The following NLRP2 variants were observed in gnomAD, a reference collection of about 807,000 sequenced individuals.
NLRP2 encodes NACHT, LRR and PYD domains-containing protein 2.
Under a neutral mutation model 97.2 loss-of-function variants are expected in NLRP2, and 107 were observed. That is an observed-to-expected ratio of 1.10 (90% CI 0.94 to 1.29). The LOEUF is 1.29. Among genes scored for constraint, NLRP2 ranks in the 50% most tolerant of loss-of-function variants. NLRP2 has a pLI of 0.00. For missense variants in NLRP2, 1,495 were observed against 1,330.3 expected (o/e 1.12, Z -1.93); for synonymous variants, 663 against 551.5 (o/e 1.20, Z -2.83).
chr19:54,992,773 G>A (rs1265099422), intron 10 of NLRP2, among the ~76,000 whole-genome samples: 1 of 151,602 alleles, frequency 6.6e-6, no homozygotes, highest in East Asian at 1.9e-4. Context: ...TGGTCAAGCT[G>A]GTCTCGAATT....
chr19:54,993,844 C>T (rs2072645311), intron 10 of NLRP2: 2 of 292,420 alleles, frequency 6.8e-6, no homozygotes, highest in East Asian at 8.7e-5. Flanking sequence ...ATCCTTTTTA[C>T]TTCTCCAACT....
intron 4 of NLRP2, among the ~76,000 whole-genome samples, chr19:54,980,169 T>G (rs2071481862): frequency 6.6e-6 from 1 of 151,560 alleles, no homozygotes; most frequent in South Asian, 2.1e-4. Context: ...GGGTGAATAG[T>G]GCCTGGTGGC....
At chr19:54,967,197 G>A (rs938946676) in intron 1 of NLRP2, among the ~76,000 whole-genome samples, 2 of 152,006 alleles carry the variant, frequency 1.3e-5, no homozygotes, top group Admixed American at 1.3e-4. Flanking sequence ...AAATTAAGTG[G>A]TTCTGCCTGT....
At chr19:54,968,701 C>CTTTT in intron 1 of NLRP2, among the ~76,000 whole-genome samples, 1 of 114,346 alleles carries the variant, frequency 8.7e-6, no homozygotes, top group African/African-American at 3.7e-5. Context: ...ATCTTTAAGC[C>CTTTT]TTTTTTTTTT....
At position 54,970,082 on chromosome 19, in the gene NLRP2, T is replaced by C; in HGVS notation, c.67T>C (p.Leu23=). 1.2e-6 allele frequency: 2 copies of C among 1,613,780 alleles called. No homozygotes were observed. Among genetic ancestry groups the C allele is most frequent in the East Asian group, 4.5e-5 (2 of 44,858 alleles). Residue 23 remains leucine, a synonymous_variant, in exon 2 of 13, where the codon TTG becomes CTG. Coordinates refer to ENST00000448584, the MANE Select transcript of NLRP2 (RefSeq NM_017852.5). ...ALLEQLSQDE[L]SKFKYLITTF... ...CCTGGAGCAGCTCAGCCAGGATGAGTTGAGCAAGTTCAAGTATCTGATCAC... is the reference window on the plus strand; with the variant it reads ...CCTGGAGCAGCTCAGCCAGGATGAGCTGAGCAAGTTCAAGTATCTGATCAC...
At position 54,981,645 on chromosome 19, in the gene NLRP2, C is replaced by G; in HGVS notation, c.426C>G (p.Ile142Met). The G allele has an allele frequency of 6.3e-7, 1 of 1,597,106 alleles. No individual in the cohort carries two copies. The highest frequency in any genetic ancestry group is 8.6e-7 in the Non-Finnish European group (1 of 1,164,916). ...TTACAGAAACGAAAGGAAATGTCAT[C>G]TGCCTGGGTAAAGAAGTCTTTAAAG... ...QAFTETKGNV[I>M]CLGKEVFKGK... Residue 142 changes from isoleucine (I) to methionine (M), a missense_variant, in exon 5 of 13, where the codon ATC becomes ATG. Transcript: ENST00000448584.
At chr19:54,980,510 A>C (rs1454311503) in intron 4 of NLRP2, among the ~76,000 whole-genome samples, 1 of 152,214 alleles carries the variant, frequency 6.6e-6, no homozygotes, top group East Asian at 1.9e-4. Flanking sequence ...AAAGAAATTT[A>C]TGAAGACAAT....
At position 54,989,251 on chromosome 19, in the gene NLRP2, G is replaced by A. The variant is rs141653204; in HGVS notation, c.2367-771G>A. ...GATTACAGGCATGAGCCATTGCCCC[G>A]GCCAAAGTTAGGAGTTTGAGACCAG... On this transcript the variant is annotated intron_variant, in intron 8 of 12. Coordinates refer to ENST00000448584, the MANE Select transcript of NLRP2 (RefSeq NM_017852.5). 1.4e-3 allele frequency among the ~76,000 whole-genome samples: 219 copies of A among 151,068 alleles called. 1 individual carries two copies. The highest frequency in any genetic ancestry group is 6.8e-3 in the Middle Eastern group (2 of 294).
At chr19:54,996,037 CAA>C (rs544759995) in intron 11 of NLRP2, among the ~76,000 whole-genome samples, 9 of 73,336 alleles carry the variant, frequency 1.2e-4, no homozygotes, top group Admixed American at 1.8e-4. Context: ...GATCCTGTCT[CAA>C]AAAAAAAAAA....
intron 1 of NLRP2, among the ~76,000 whole-genome samples, chr19:54,966,910 C>T (rs1276543199): frequency 7.0e-5 from 10 of 142,466 alleles, no homozygotes; most frequent in Non-Finnish European, 1.4e-4. Flanking sequence ...GGCAGGATCT[C>T]GGCTCACTGA....
chr19:54,968,492 A>T (rs966723911), intron 1 of NLRP2, among the ~76,000 whole-genome samples: 1 of 145,320 alleles, frequency 6.9e-6, no homozygotes. Context: ...GCCCAGCACA[A>T]TTTTTTTTTT....
chr19:54,981,801 G>T, intron 5 of NLRP2, 119 bp downstream of exon 5: 1 of 766,036 alleles, frequency 1.3e-6, no homozygotes, highest in South Asian at 1.4e-5. Flanking sequence ...GTATCGAGAC[G>T]GAGTTTTGCT....
chr19:54,986,393 TAAGAA>T, intron 8 of NLRP2, 78 bp downstream of exon 8: 2 of 1,375,614 alleles, frequency 1.5e-6, no homozygotes, highest in Non-Finnish European at 1.0e-6. Flanking sequence ...TTTGTGTAAA[TAAGAA>T]AAAGTTCGTT....
intron 2 of NLRP2, among the ~76,000 whole-genome samples, chr19:54,972,266 C>A (rs2070910869): frequency 6.6e-6 from 1 of 152,060 alleles, no homozygotes; most frequent in African/African-American, 2.4e-5. Context: ...ATTGCAACTC[C>A]CGCCCCCTGG....
rs566462855 is a variant in NLRP2, at chr19:55,000,967, C to T, written c.*69C>T. On this transcript the variant is annotated 3_prime_UTR_variant, in exon 13 of 13. Coordinates refer to ENST00000448584, the MANE Select transcript of NLRP2 (RefSeq NM_017852.5). Reference sequence around the variant, plus strand: ...AGGTGTTGGTGAACTGCCTGTGACTCCTCTCCTCCCCGGCCCCTACCCCTC... The same window carrying T: ...AGGTGTTGGTGAACTGCCTGTGACTTCTCTCCTCCCCGGCCCCTACCCCTC... 109 of 1,418,800 alleles carry T rather than the reference C, an allele frequency of 7.7e-5. No homozygotes were observed. Among genetic ancestry groups the T allele is most frequent in the Admixed American group, 3.7e-4 (22 of 59,660 alleles). The allele number at this position is 1,418,800 out of a possible 1,614,324, so 87.9% of individuals were successfully genotyped here.
At chr19:54,995,811 G>T (rs930543712) in intron 11 of NLRP2, among the ~76,000 whole-genome samples, 4 of 151,946 alleles carry the variant, frequency 2.6e-5, no homozygotes, top group African/African-American at 4.8e-5. Flanking sequence ...GGAGTCCAAG[G>T]CAGGTAGATT....
intron 2 of NLRP2, among the ~76,000 whole-genome samples, chr19:54,972,371 TGG>T (rs1433956068): frequency 2.6e-5 from 4 of 151,616 alleles, no homozygotes; most frequent in Non-Finnish European, 5.9e-5. Flanking sequence ...TTAATAGAGA[TGG>T]GGTTTCACTA....
intron 7 of NLRP2, 61 bp from the exon 8 acceptor site, chr19:54,986,090 C>G (rs1369799750): frequency 2.7e-6 from 3 of 1,105,496 alleles, no homozygotes; most frequent in Non-Finnish European, 4.2e-6. Flanking sequence ...CCCCTGGTTT[C>G]CATTTAAGTA....
At chr19:54,975,783 C>T (rs1444445715) in intron 3 of NLRP2, among the ~76,000 whole-genome samples, 2 of 151,862 alleles carry the variant, frequency 1.3e-5, no homozygotes, top group Non-Finnish European at 2.9e-5. Context: ...TGGGGTCTTG[C>T]TGTGTTGCTC....
Sources: allele counts gnomAD v4.1 joint callset (sites outside exome capture counted in the v4.1 genomes callset), GRCh38; gene constraint gnomAD v4.1.1; transcripts MANE v1.5; gene names NCBI Gene and HGNC (gene_info 2026-07-23, HGNC 2026-07-21).